Variants in DOCK4 observed in about 807,000 individuals in gnomAD.
The protein encoded by DOCK4 is dedicator of cytokinesis protein 4.
A neutral mutation model predicts 268.1 loss-of-function variants in DOCK4; 97 were observed. That is an observed-to-expected ratio of 0.36 (90% CI 0.31 to 0.43). DOCK4 has a LOEUF of 0.43. DOCK4 is among the 20% of genes least tolerant of loss of function. DOCK4 has a pLI of 1.00. For synonymous variants in DOCK4, 954 were observed against 887.2 expected (o/e 1.08, Z -1.34); for missense variants, 2,145 against 2,455.7 (o/e 0.87, Z 2.67).
At position 111,736,833 on chromosome 7, in the gene DOCK4, C is replaced by T. The variant is rs1046335724; in HGVS notation, c.5305+84G>A. ...ATTAAAGAGCTAGAGCACTGCTTTC[C>T]ACACAGACACACAGAAGACTGGAGA... On this transcript the variant is annotated intron_variant, in intron 50 of 52. Coordinates refer to ENST00000428084, the MANE Select transcript of DOCK4 (RefSeq NM_001363540.2). The T allele has an allele frequency of 9.5e-6, 12 of 1,264,284 alleles. No homozygotes were observed. The Admixed American group carries it at 9.9e-5, about 10-fold the overall frequency. 78.3% of individuals were successfully genotyped at this position (1,264,284 alleles called of 1,614,324 possible).
intron 13 of DOCK4, among the ~76,000 whole-genome samples, chr7:111,908,397 G>A (rs1221792597): frequency 3.3e-5 from 5 of 151,900 alleles, no homozygotes; most frequent in Non-Finnish European, 5.9e-5. Flanking sequence ...GCAGTGAGCC[G>A]AGATCGTGCC....
chr7:111,846,311 G>A (rs565614162), intron 24 of DOCK4, among the ~76,000 whole-genome samples: 1 of 152,244 alleles, frequency 6.6e-6, no homozygotes, highest in Non-Finnish European at 1.5e-5. Context: ...CATATTGGCA[G>A]AAGTGGAACA....
intron 1 of DOCK4, among the ~76,000 whole-genome samples, chr7:112,102,235 G>A (rs1810766116): frequency 1.3e-5 from 2 of 152,052 alleles, no homozygotes; most frequent in Non-Finnish European, 2.9e-5. Flanking sequence ...AAACATATCC[G>A]TTAACAACAT....
chr7:111,831,382 C>T (rs943322003), intron 26 of DOCK4, among the ~76,000 whole-genome samples: 5 of 152,216 alleles, frequency 3.3e-5, no homozygotes, highest in Non-Finnish European at 5.9e-5. Context: ...GCCTCTACTT[C>T]AAGCCACAGT....
At chr7:112,054,294 T>C (rs1805628853) in intron 1 of DOCK4, among the ~76,000 whole-genome samples, 1 of 152,180 alleles carries the variant, frequency 6.6e-6, no homozygotes, top group South Asian at 2.1e-4. Flanking sequence ...CAAAACTTTA[T>C]ATTCCTTGGA....
chr7:111,840,191 G>A (rs1020592859), intron 25 of DOCK4, among the ~76,000 whole-genome samples: 3 of 152,122 alleles, frequency 2.0e-5, no homozygotes, highest in South Asian at 2.1e-4. Flanking sequence ...CTGTCTTCAC[G>A]AAACCTATTA....
chr7:111,793,397 T>A (rs539193493), intron 30 of DOCK4, among the ~76,000 whole-genome samples: 1 of 152,254 alleles, frequency 6.6e-6, no homozygotes, highest in South Asian at 2.1e-4. Flanking sequence ...TTTTTAAGTA[T>A]TGAAATTACT....
intron 30 of DOCK4, among the ~76,000 whole-genome samples, chr7:111,796,695 G>A (rs1475635324): frequency 3.3e-5 from 5 of 152,158 alleles, no homozygotes; most frequent in Admixed American, 6.5e-5. Flanking sequence ...ATAATAGCAG[G>A]CAATCTAGCA....
intron 17 of DOCK4, among the ~76,000 whole-genome samples, chr7:111,875,877 T>TA: frequency 6.6e-6 from 1 of 152,328 alleles, no homozygotes; most frequent in Non-Finnish European, 1.5e-5. Flanking sequence ...TGGTAGCTGT[T>TA]ACAGCTGCAA....
chr7:112,126,878 T>G (rs952539114), intron 1 of DOCK4, among the ~76,000 whole-genome samples: 31 of 151,956 alleles, frequency 2.0e-4, no homozygotes, highest in Non-Finnish European at 2.4e-4. Context: ...TCACACCAGG[T>G]AGAATGGCAA....
At chr7:111,950,617 A>C (rs1317933831) in intron 8 of DOCK4, among the ~76,000 whole-genome samples, 1 of 152,204 alleles carries the variant, frequency 6.6e-6, no homozygotes, top group Non-Finnish European at 1.5e-5. Flanking sequence ...AAATAGAATA[A>C]CACTCAAATA....
intron 8 of DOCK4, among the ~76,000 whole-genome samples, chr7:111,954,484 A>ACTGAAAGATTCTCCCCAGGGC (rs1796301773): frequency 6.6e-6 from 1 of 152,176 alleles, no homozygotes; most frequent in African/African-American, 2.4e-5. Context: ...GTGGTTCCCA[A>ACTGAAAGATTCTCCCCAGGGC]CTGAAAGATT....
intron 1 of DOCK4, among the ~76,000 whole-genome samples, chr7:112,149,845 T>C (rs1447630326): frequency 6.6e-6 from 1 of 152,156 alleles, no homozygotes; most frequent in Non-Finnish European, 1.5e-5. Flanking sequence ...CTCTGAAATA[T>C]GCCCCAAAGG....
chr7:111,835,998 C>T (rs916994218), intron 25 of DOCK4, among the ~76,000 whole-genome samples: 1 of 152,114 alleles, frequency 6.6e-6, no homozygotes, highest in African/African-American at 2.4e-5. Flanking sequence ...GAAGAAACAT[C>T]CTTCAAGCTC....
chr7:112,195,328 T>C (rs1820327186), intron 1 of DOCK4, among the ~76,000 whole-genome samples: 2 of 152,192 alleles, frequency 1.3e-5, no homozygotes, highest in Admixed American at 6.6e-5. Context: ...AAACCTTTAC[T>C]ATGTGTGCAA....
At chr7:111,779,152 A>G (rs1443557089) in intron 35 of DOCK4, among the ~76,000 whole-genome samples, 1 of 152,076 alleles carries the variant, frequency 6.6e-6, no homozygotes. Flanking sequence ...AAAGAATGGG[A>G]AAGAGGGTAA....
chr7:112,156,789 G>A (rs1816650050), intron 1 of DOCK4, among the ~76,000 whole-genome samples: 1 of 151,990 alleles, frequency 6.6e-6, no homozygotes, highest in African/African-American at 2.4e-5. Flanking sequence ...TATATTCAAG[G>A]TAGTTTTATT....
chr7:112,180,740 TG>T (rs1818952937), intron 1 of DOCK4, among the ~76,000 whole-genome samples: 1 of 152,178 alleles, frequency 6.6e-6, no homozygotes, highest in South Asian at 2.1e-4. Context: ...AACAGCACTT[TG>T]TGGCTGTGCA....
chr7:112,004,955 G>A (rs759937312), intron 1 of DOCK4, among the ~76,000 whole-genome samples: 37 of 152,198 alleles, frequency 2.4e-4, no homozygotes, highest in Admixed American at 1.6e-3. Context: ...AGGAATTATA[G>A]AGAGAATAAA....
Sources: allele counts gnomAD v4.1 joint callset (sites outside exome capture counted in the v4.1 genomes callset), GRCh38; gene constraint gnomAD v4.1.1; transcripts MANE v1.5; gene names NCBI Gene and HGNC (gene_info 2026-07-23, HGNC 2026-07-21).